Variants in ITIH5 observed in about 807,000 individuals in gnomAD.
ITIH5 encodes the protein inter-alpha-trypsin inhibitor heavy chain H5.
A neutral mutation model predicts 77.5 loss-of-function variants in ITIH5; 65 were observed. The ratio of observed to expected loss-of-function variants is 0.84; its 90% CI spans 0.69 to 1.03. The LOEUF (loss-of-function observed/expected upper bound fraction) is 1.03, where lower values mean the gene tolerates loss of function less well. ITIH5 is among the 50% of genes least tolerant of loss of function. The pLI, the probability that ITIH5 is intolerant of heterozygous loss-of-function variation, is 0.00. For missense variants in ITIH5, 1,208 were observed against 1,213.1 expected (o/e 1.00, Z 0.06); for synonymous variants, 525 against 494.3 (o/e 1.06, Z -0.82).
In ITIH5 at chr10:7,559,646, C is replaced by A; in HGVS notation, c.*3437G>T. The A allele has an allele frequency of 3.2e-6, 1 of 309,190 alleles. No homozygotes were observed. The highest frequency in any genetic ancestry group is 6.3e-6 in the Non-Finnish European group (1 of 159,184). The allele number at this position is 309,190 out of a possible 1,614,324, so 19.2% of individuals were successfully genotyped here. The stretch of plus-strand genomic sequence containing the variant: ...TTGGTGTCTTAGTCAGCTTGGGCTG[C>A]CTTAACAAGAATACCACAGACTTGA... On this transcript the variant is annotated 3_prime_UTR_variant, in exon 14 of 14. Coordinates refer to ENST00000397146, the MANE Select transcript of ITIH5 (RefSeq NM_030569.7).
At chr10:7,596,769 C>T (rs1259032182) in intron 7 of ITIH5, among the ~76,000 whole-genome samples, 3 of 152,048 alleles carry the variant, frequency 2.0e-5, no homozygotes, top group South Asian at 4.1e-4. Flanking sequence ...AGGCCGGGTG[C>T]AGTGGCTCAT....
intron 5 of ITIH5, among the ~76,000 whole-genome samples, chr10:7,634,213 T>G (rs1833761702): frequency 6.6e-6 from 1 of 152,194 alleles, no homozygotes; most frequent in Admixed American, 6.5e-5. Context: ...CGGAATGTAT[T>G]GGCTTGGACC....
rs544804600 is a variant in ITIH5 at position 7,627,144 on chromosome 10, GT to G, written c.653-9863del. On this transcript the variant is annotated intron_variant, in intron 5 of 13. Transcript: ENST00000397146. Reference sequence around the variant, plus strand: ...TCAGAATAATTTCAAAAACGGGGTGGTGGGCAAGGGGAGGGAAAGCATTAGG... The same window carrying G: ...TCAGAATAATTTCAAAAACGGGGTGGGGGCAAGGGGAGGGAAAGCATTAGG... Among the ~76,000 whole-genome samples, 362 of 152,182 alleles carry G rather than the reference GT, an allele frequency of 2.4e-3. 4 individuals are homozygous for G. The highest frequency in any genetic ancestry group is 8.3e-3 in the African/African-American group (343 of 41,496).
At chr10:7,589,349 C>T (rs1279123608) in intron 7 of ITIH5, among the ~76,000 whole-genome samples, 1 of 152,028 alleles carries the variant, frequency 6.6e-6, no homozygotes, top group Non-Finnish European at 1.5e-5. Context: ...AATCCAGCTA[C>T]TTGGGAGGCT....
At chr10:7,589,650 T>C (rs1832753296) in intron 7 of ITIH5, among the ~76,000 whole-genome samples, 1 of 151,996 alleles carries the variant, frequency 6.6e-6, no homozygotes, top group South Asian at 2.1e-4. Flanking sequence ...TTCTCTCCTC[T>C]GCTATTCCCT....
chr10:7,631,698 G>T (rs769491752), intron 5 of ITIH5, among the ~76,000 whole-genome samples: 1 of 152,034 alleles, frequency 6.6e-6, no homozygotes, highest in African/African-American at 2.4e-5. Flanking sequence ...AAAACTTGTC[G>T]GTGGAAAAGA....
chr10:7,613,726 G>A (rs894814469), intron 7 of ITIH5, among the ~76,000 whole-genome samples: 73 of 152,292 alleles, frequency 4.8e-4, no homozygotes, highest in Middle Eastern at 3.4e-3. Flanking sequence ...CAGCATTTGG[G>A]ACCACTTGTG....
At chr10:7,649,020 C>T (rs1834049458) in intron 2 of ITIH5, among the ~76,000 whole-genome samples, 1 of 152,180 alleles carries the variant, frequency 6.6e-6, no homozygotes, top group Non-Finnish European at 1.5e-5. Flanking sequence ...CTTACAGTTT[C>T]CTTGGTGCAG....
chr10:7,635,445 C>A (rs1422060765), intron 5 of ITIH5, among the ~76,000 whole-genome samples: 1 of 152,164 alleles, frequency 6.6e-6, no homozygotes, highest in Non-Finnish European at 1.5e-5. Flanking sequence ...CATACAGCTA[C>A]CACCTGCATG....
chr10:7,663,835 C>T (rs966576295), intron 1 of ITIH5, among the ~76,000 whole-genome samples: 2 of 152,160 alleles, frequency 1.3e-5, no homozygotes, highest in African/African-American at 4.8e-5. Context: ...AGTACTCAAC[C>T]AGAATACATT....
At chr10:7,628,492 T>C (rs1833623577) in intron 5 of ITIH5, among the ~76,000 whole-genome samples, 1 of 152,200 alleles carries the variant, frequency 6.6e-6, no homozygotes, top group South Asian at 2.1e-4. Context: ...GTCTGTGTTA[T>C]AGTGTGTATC....
intron 13 of ITIH5, 83 bp downstream of exon 13, chr10:7,565,947 G>C: frequency 6.6e-7 from 1 of 1,515,270 alleles, no homozygotes; most frequent in Non-Finnish European, 8.8e-7. Context: ...TCAATCAAAC[G>C]AAAGGTGTTG....
At chr10:7,625,398 T>A (rs1220703729) in intron 5 of ITIH5, among the ~76,000 whole-genome samples, 5 of 151,912 alleles carry the variant, frequency 3.3e-5, no homozygotes, top group African/African-American at 7.3e-5. Context: ...AAGTTTCAGT[T>A]TGGGAGATGG....
chr10:7,592,708 C>A (rs781340846), intron 7 of ITIH5, among the ~76,000 whole-genome samples: 1 of 152,232 alleles, frequency 6.6e-6, no homozygotes, highest in East Asian at 1.9e-4. Flanking sequence ...ACTCCACAGG[C>A]AGGGGCGGCC....
At chr10:7,592,651 T>G (rs1360353404) in intron 7 of ITIH5, among the ~76,000 whole-genome samples, 5 of 152,220 alleles carry the variant, frequency 3.3e-5, no homozygotes, top group Non-Finnish European at 7.3e-5. Flanking sequence ...AGCTCCAAGC[T>G]GCCTGATAGA....
chr10:7,626,217 G>A (rs1833575895), intron 5 of ITIH5, among the ~76,000 whole-genome samples: 1 of 152,142 alleles, frequency 6.6e-6, no homozygotes, highest in Non-Finnish European at 1.5e-5. Flanking sequence ...GCAGGAAAAA[G>A]GAAGAAAAAG....
chr10:7,646,053 A>T (rs369241495), intron 2 of ITIH5, among the ~76,000 whole-genome samples: 10 of 152,234 alleles, frequency 6.6e-5, no homozygotes, highest in Non-Finnish European at 1.3e-4. Context: ...ATTATCCATG[A>T]TTAAATATAT....
At chr10:7,605,634 C>T (rs918757839) in intron 7 of ITIH5, among the ~76,000 whole-genome samples, 1 of 151,958 alleles carries the variant, frequency 6.6e-6, no homozygotes, top group African/African-American at 2.4e-5. Context: ...AGTCAGGTGT[C>T]CCGAACCCAA....
At chr10:7,644,400 TATATCACATATATC>T (rs1310041942) in intron 2 of ITIH5, among the ~76,000 whole-genome samples, 1 of 146,162 alleles carries the variant, frequency 6.8e-6, no homozygotes, top group African/African-American at 2.5e-5. Context: ...ATATATCACA[TATATCACATATATC>T]ATATATATCA....
Sources: allele counts gnomAD v4.1 joint callset (sites outside exome capture counted in the v4.1 genomes callset), GRCh38; gene constraint gnomAD v4.1.1; transcripts MANE v1.5; gene names NCBI Gene and HGNC (gene_info 2026-07-23, HGNC 2026-07-21).